NHSL1: variants seen among roughly 807,000 people sequenced by gnomAD.
NHSL1 encodes the protein NHS-like protein 1.
A neutral mutation model predicts 95.0 loss-of-function variants in NHSL1; 48 were observed. The ratio of observed to expected loss-of-function variants is 0.51; its 90% CI spans 0.40 to 0.64. The LOEUF is 0.64. NHSL1 is among the 30% of genes least tolerant of loss of function. The pLI is 0.00. For synonymous variants in NHSL1, 783 were observed against 833.9 expected, an observed-to-expected ratio of 0.94 and a Z score of 1.05; for missense variants, 1,971 against 2,077.7, an observed-to-expected ratio of 0.95 and a Z score of 1.00.
intron 1 of NHSL1, among the ~76,000 whole-genome samples, chr6:138,564,482 A>G (rs1783531839): frequency 6.6e-6 from 1 of 152,204 alleles, no homozygotes; most frequent in Non-Finnish European, 1.5e-5. Context: ...CCTGGCCAAC[A>G]TGGTGAAACC....
intron 1 of NHSL1, among the ~76,000 whole-genome samples, chr6:138,564,663 A>AT (rs536500296): frequency 3.9e-5 from 6 of 152,104 alleles, no homozygotes; most frequent in African/African-American, 1.4e-4. Flanking sequence ...AAAAAAAAAA[A>AT]AATAAGATTG....
At chr6:138,553,723 C>A (rs930819243) in intron 1 of NHSL1, among the ~76,000 whole-genome samples, 6 of 152,174 alleles carry the variant, frequency 3.9e-5, no homozygotes, top group Non-Finnish European at 4.4e-5. Flanking sequence ...GGTATTAAAA[C>A]TCATTATTAA....
intron 1 of NHSL1, among the ~76,000 whole-genome samples, chr6:138,683,107 C>CCCATGT (rs536479926): frequency 1.0e-3 from 154 of 152,282 alleles, no homozygotes; most frequent in African/African-American, 3.7e-3. Flanking sequence ...TGAAAGCAAG[C>CCCATGT]CCATGTCCAT....
intron 2 of NHSL1, among the ~76,000 whole-genome samples, chr6:138,489,040 T>C (rs1779880209): frequency 6.6e-6 from 1 of 152,200 alleles, no homozygotes; most frequent in Non-Finnish European, 1.5e-5. Context: ...AACCTGAGTA[T>C]TAAGCGTCTG....
chr6:138,511,955 C>T lies in NHSL1; in HGVS notation c.17-15584G>A, dbSNP rs115732621. On this transcript the variant is annotated intron_variant, in intron 1 of 4. Coordinates refer to the NHSL1 transcript ENST00000342260. ...GAAAATAAACAGGGTCTTCCAATGC[C>T]AAGCAGTTTTTCCAAACTTCTCGAA... Among the ~76,000 whole-genome samples, 533 of 152,290 alleles carry T rather than the reference C, an allele frequency of 3.5e-3. 4 individuals are homozygous for T. The highest frequency in any genetic ancestry group is 0.012 in the African/African-American group (485 of 41,562).
At chr6:138,687,290 AAAG>A (rs968817332) in intron 1 of NHSL1, among the ~76,000 whole-genome samples, 3 of 152,090 alleles carry the variant, frequency 2.0e-5, no homozygotes, top group South Asian at 2.1e-4. Flanking sequence ...AAAAAAAAAA[AAAG>A]AAGAAGAAGA....
At chr6:138,688,932 CAGTATTGTATTTTT>C (rs1188270679) in intron 1 of NHSL1, among the ~76,000 whole-genome samples, 4 of 152,114 alleles carry the variant, frequency 2.6e-5, no homozygotes, top group African/African-American at 9.7e-5. Context: ...ACATTGGTAG[CAGTATTGTATTTTT>C]AGTATTGTAT....
At chr6:138,570,677 T>C (rs1278417905) in intron 1 of NHSL1, among the ~76,000 whole-genome samples, 1 of 152,254 alleles carries the variant, frequency 6.6e-6, no homozygotes. Context: ...ACATAATTAC[T>C]ATACTCATAA....
Position 138,433,587 on chromosome 6 carries a change from G to C in NHSL1, c.758C>G (p.Ala253Gly). Reference protein sequence around the residue: ...TLGRFNSCRSAGQRSETRDSS... With the variant: ...TLGRFNSCRSGGQRSETRDSS... The stretch of plus-strand genomic sequence containing the variant: ...GTCCCTGGTTTCTGAGCGCTGCCCA[G>C]CAGACCGACAGCTATTGAACCTTCC... The change falls in exon 6 of 8, where the codon GCT becomes GGT. Residue 253 changes from alanine (A) to glycine (G), a missense_variant. Transcript: ENST00000343505. 6.4e-7 allele frequency: 1 copy of C among 1,552,108 alleles called. No individual in the cohort carries two copies. The highest frequency in any genetic ancestry group is 8.7e-7 in the Non-Finnish European group (1 of 1,147,074).
At chr6:138,609,643 G>A (rs183067963) in intron 1 of NHSL1, among the ~76,000 whole-genome samples, 4 of 150,948 alleles carry the variant, frequency 2.6e-5, no homozygotes, top group East Asian at 2.0e-4. Context: ...CCAGCTATTC[G>A]GGAGGCTAAG....
At chr6:138,616,227 T>C (rs1444098538) in intron 1 of NHSL1, among the ~76,000 whole-genome samples, 1 of 152,216 alleles carries the variant, frequency 6.6e-6, no homozygotes, top group Non-Finnish European at 1.5e-5. Flanking sequence ...ACACGCAGAC[T>C]ATATACATTG....
At chr6:138,468,330 A>G (rs933488225) in intron 3 of NHSL1, among the ~76,000 whole-genome samples, 2 of 152,230 alleles carry the variant, frequency 1.3e-5, no homozygotes, top group Non-Finnish European at 2.9e-5. Flanking sequence ...GTATAATAAC[A>G]TGCTGTAGCC....
intron 1 of NHSL1, among the ~76,000 whole-genome samples, chr6:138,666,743 C>T (rs1056490710): frequency 3.3e-5 from 5 of 151,734 alleles, no homozygotes; most frequent in East Asian, 1.9e-4. Flanking sequence ...AATGTATATA[C>T]GTATATTGAT....
chr6:138,434,773 G>A (rs965864269), intron 5 of NHSL1, among the ~76,000 whole-genome samples: 1 of 152,166 alleles, frequency 6.6e-6, no homozygotes, highest in Non-Finnish European at 1.5e-5. Context: ...CCCTAGGACT[G>A]ATGGGGTTTC....
intron 3 of NHSL1, among the ~76,000 whole-genome samples, chr6:138,466,042 G>T (rs537488342): frequency 8.7e-5 from 6 of 69,334 alleles, no homozygotes; most frequent in East Asian, 9.5e-4. Context: ...ACTCCTTTTT[G>T]GGGGGGGGGC....
chr6:138,629,381 C>CTTTTTTTTTTTTTTTTT (rs1215071709), intron 1 of NHSL1, among the ~76,000 whole-genome samples: 1 of 138,822 alleles, frequency 7.2e-6, no homozygotes, highest in African/African-American at 2.7e-5. Flanking sequence ...TTCTTTCTTT[C>CTTTTTTTTTTTTTTTTT]TTTCTTTCTT....
At position 138,424,410 on chromosome 6, in the gene NHSL1, C is replaced by G. The variant is rs997330705; in HGVS notation, c.4492G>C (p.Gly1498Arg). 1 of 1,550,056 alleles carries G rather than the reference C, an allele frequency of 6.5e-7. No homozygotes were observed. The highest frequency in any genetic ancestry group is 1.2e-5 in the South Asian group (1 of 84,004). Residue 1498 changes from glycine to arginine, a missense_variant, in exon 8 of 8, where the codon GGC (glycine) becomes CGC (arginine). This residue lies in a region of NHSL1 where 223 missense variants were observed against 217.0 expected (regional missense o/e 1.03). Coordinates refer to ENST00000343505, the MANE Select transcript of NHSL1 (RefSeq NM_001144060.2). This position sits in a 1 kb window ranked among gnomAD's most constrained non-coding sequence, Gnocchi z 5.9. ...RSLSFSGPRY[G>R]RSRTPPSAAS... ...GCAGAAGGCGGCGTTCGGCTGCGGCCGTACCTGGGGCCGGAAAAGGACAGA... is the reference window on the plus strand; with the variant it reads ...GCAGAAGGCGGCGTTCGGCTGCGGCGGTACCTGGGGCCGGAAAAGGACAGA...
intron 2 of NHSL1, among the ~76,000 whole-genome samples, chr6:138,490,390 C>T (rs536166914): frequency 2.0e-5 from 3 of 152,116 alleles, no homozygotes; most frequent in South Asian, 2.1e-4. Context: ...GGGGTATCTG[C>T]GATATCTCAG....
chr6:138,455,660 T>C (rs986715233), intron 3 of NHSL1, among the ~76,000 whole-genome samples: 18 of 152,234 alleles, frequency 1.2e-4, no homozygotes, highest in African/African-American at 3.9e-4. Context: ...GTAATAGCTA[T>C]TAAAATAATC....
Sources: allele counts gnomAD v4.1 joint callset (sites outside exome capture counted in the v4.1 genomes callset), GRCh38; gene constraint gnomAD v4.1.1; regional missense constraint gnomAD v4.1.1; non-coding constraint Gnocchi (gnomAD v3.1); transcripts MANE v1.5; gene names NCBI Gene and HGNC (gene_info 2026-07-23, HGNC 2026-07-21).